Variants in STIMATE observed in about 807,000 individuals in gnomAD.
STIMATE encodes store-operated calcium entry regulator STIMATE.
STIMATE carries 15 observed loss-of-function variants against 36.7 expected under a neutral mutation model. The observed-to-expected ratio is 0.41, with a 90% confidence interval of 0.27 to 0.63. STIMATE has a LOEUF of 0.63. Ranked by LOEUF, STIMATE falls within the 20% of genes least tolerant of loss-of-function variation. The pLI is 0.32. For synonymous variants in STIMATE, 163 were observed against 162.3 expected, an observed-to-expected ratio of 1.00 and a Z score of -0.03; for missense variants, 305 against 397.3, an observed-to-expected ratio of 0.77 and a Z score of 1.98.
At chr3:52,849,419 C>G (rs1459025137) in intron 4 of STIMATE, among the ~76,000 whole-genome samples, 2 of 152,230 alleles carry the variant, frequency 1.3e-5, no homozygotes, top group Non-Finnish European at 2.9e-5. Context: ...TGCCCCATCT[C>G]TTTAACCTGG....
At chr3:52,852,752 A>T (rs2106669403) in intron 2 of STIMATE, 54 bp from the exon 3 acceptor site, 1 of 1,596,238 alleles carries the variant, frequency 6.3e-7, no homozygotes, top group Middle Eastern at 1.7e-4. Flanking sequence ...GCAATATCCA[A>T]TTTGAGGAAA....
At chr3:52,875,148 T>C (rs1253445867) in intron 1 of STIMATE, among the ~76,000 whole-genome samples, 3 of 152,222 alleles carry the variant, frequency 2.0e-5, no homozygotes, top group South Asian at 4.1e-4. Flanking sequence ...TGGAATAAAA[T>C]GTTCATTGTG....
chr3:52,870,508 G>C (rs9836499), intron 1 of STIMATE, among the ~76,000 whole-genome samples: 3 of 151,080 alleles, frequency 2.0e-5, no homozygotes, highest in Non-Finnish European at 3.0e-5. Flanking sequence ...GCACACGAGA[G>C]TGGCAACAGG....
At chr3:52,887,826 A>T (rs1012312232) in intron 1 of STIMATE, among the ~76,000 whole-genome samples, 2 of 152,108 alleles carry the variant, frequency 1.3e-5, no homozygotes, top group African/African-American at 4.8e-5. Flanking sequence ...GCTCATGGTG[A>T]CACTATGGCA....
intron 1 of STIMATE, among the ~76,000 whole-genome samples, chr3:52,867,158 C>A (rs1296687048): frequency 6.6e-6 from 1 of 152,228 alleles, no homozygotes; most frequent in Non-Finnish European, 1.5e-5. Context: ...ATGAACCTGG[C>A]AGGGCTCTTG....
Position 52,896,471 on chromosome 3 carries a change from AC to A in STIMATE, c.160+819del, listed in dbSNP as rs1427110160. On this transcript the variant is annotated intron_variant, in intron 1 of 7. Transcript: ENST00000355083. ...CGATGAAAAACAGAAGCCCCCCCCC[AC>A]CCCCCATCAGCACACATGAGAACAG... is the stretch of plus-strand genomic sequence containing the variant. 2.0e-5 allele frequency among the ~76,000 whole-genome samples: 3 copies of A among 147,040 alleles called. No individual in the cohort carries two copies. In the Admixed American group the frequency reaches 2.1e-4, roughly 10 times the overall value.
intron 5 of STIMATE, among the ~76,000 whole-genome samples, 192 bp downstream of exon 5, chr3:52,844,637 G>C (rs1167671490): frequency 1.3e-5 from 2 of 152,252 alleles, no homozygotes; most frequent in African/African-American, 2.4e-5. Context: ...ATCTAGAACA[G>C]ACATTTAAAG....
chr3:52,844,768 G>T, intron 5 of STIMATE, 61 bp downstream of exon 5: 2 of 1,583,804 alleles, frequency 1.3e-6, no homozygotes, highest in Non-Finnish European at 1.7e-6. Context: ...TGTGGGTGAT[G>T]GGGAGGAAGT....
intron 1 of STIMATE, among the ~76,000 whole-genome samples, chr3:52,873,356 G>T (rs4687680): frequency 2.0e-5 from 3 of 152,200 alleles, no homozygotes; most frequent in South Asian, 2.1e-4. Context: ...CAATTTTGAA[G>T]ATGCAAATTA....
intron 1 of STIMATE, among the ~76,000 whole-genome samples, chr3:52,880,746 T>G (rs960713777): frequency 6.6e-6 from 1 of 152,172 alleles, no homozygotes; most frequent in East Asian, 1.9e-4. Flanking sequence ...TCACTATGCA[T>G]GGAATGAGCT....
chr3:52,868,111 C>T (rs1176273432), intron 1 of STIMATE, among the ~76,000 whole-genome samples: 1 of 152,192 alleles, frequency 6.6e-6, no homozygotes, highest in Non-Finnish European at 1.5e-5. Context: ...AAACGAACAT[C>T]CCAACAACCA....
rs552245744 is a variant in STIMATE, at chr3:52,849,469, C to T, written c.427+323G>A. ...GAGCTCTACAGGAAGCTTGGCAGAA[C>T]GAAGAGTCCCTGCGGGCCTGTGTGT... On this transcript the variant is annotated intron_variant, in intron 4 of 7. Transcript: ENST00000355083. Among the ~76,000 whole-genome samples, 20 of 152,326 alleles carry T rather than the reference C, an allele frequency of 1.3e-4. No individual in the cohort carries two copies. The South Asian group carries it at 2.7e-3, about 21-fold the overall frequency.
chr3:52,886,749 G>A (rs1701691776), intron 1 of STIMATE, among the ~76,000 whole-genome samples: 1 of 152,352 alleles, frequency 6.6e-6, no homozygotes, highest in Middle Eastern at 3.4e-3. Context: ...TTCACAGTGA[G>A]AGAGCTGGAG....
In STIMATE at chr3:52,847,266, G is replaced by T. The variant is rs191307273; in HGVS notation, c.428-2325C>A. The stretch of plus-strand genomic sequence containing the variant: ...ACAACCTCAGGCATGTGGGTGTTTT[G>T]TTTGGGTTTAATTATTTCCTCAGTA... On this transcript the variant is annotated intron_variant, in intron 4 of 7. Transcript: ENST00000355083. 12,575 of 1,168,806 alleles carry T rather than the reference G, an allele frequency of 0.011. 1,359 individuals are homozygous for T. The South Asian group carries it at 0.2, about 18-fold the overall frequency. 72.4% of individuals were successfully genotyped at this position (1,168,806 alleles called of 1,614,324 possible). A position where few individuals can be genotyped will look rare whatever the true frequency, so the allele number is the denominator to read the frequency against.
chr3:52,897,405 G>T lies in STIMATE; in HGVS notation c.46C>A (p.Pro16Thr). 6.8e-7 allele frequency: 1 copy of T among 1,478,966 alleles called. No homozygotes were observed. The allele number at this position is 1,478,966 out of a possible 1,614,324, so 91.6% of individuals were successfully genotyped here. A position where few individuals can be genotyped will look rare whatever the true frequency, so the allele number is the denominator to read the frequency against. ...GCCCCGGACGCGACTGTGGAGGGCG[G>T]CCCGCCTGGCAGTCCCCGGCTCGCG... ...GNASRGLPGGPPSTVASGAGR... is the reference protein window; with the variant it reads ...GNASRGLPGGTPSTVASGAGR... The change falls in exon 1 of 8, where the codon CCG (proline) becomes ACG (threonine). Residue 16 changes from proline (P) to threonine (T), a missense_variant. By Grantham distance (38) the Pro-to-Thr change is conservative. Around this residue, in one of 3 missense-constraint regions of STIMATE, gnomAD observed 57 missense variants for 57.1 expected, o/e 1.00. Transcript: ENST00000355083.
At position 52,843,080 on chromosome 3, in the gene STIMATE, A is replaced by C. The variant is rs1215840587; in HGVS notation, c.619-120T>G. 4 of 1,482,760 alleles carry C rather than the reference A, an allele frequency of 2.7e-6. No individual in the cohort carries two copies. The East Asian group carries it at 7.4e-5, about 27-fold the overall frequency. The allele number at this position is 1,482,760 out of a possible 1,614,324, so 91.9% of individuals were successfully genotyped here. A position where few individuals can be genotyped will look rare whatever the true frequency, so the allele number is the denominator to read the frequency against. On this transcript the variant is annotated intron_variant, in intron 6 of 7. Coordinates refer to ENST00000355083, the MANE Select transcript of STIMATE (RefSeq NM_198563.5). ...AAGATCCAGAGCTATGGAAAGAAAAACCCAATCCAATCACCCTGCTCTCTC... is the reference window on the plus strand; with the variant it reads ...AAGATCCAGAGCTATGGAAAGAAAACCCCAATCCAATCACCCTGCTCTCTC...
chr3:52,850,536 C>A (rs1700980400), intron 3 of STIMATE, among the ~76,000 whole-genome samples: 1 of 152,184 alleles, frequency 6.6e-6, no homozygotes, highest in East Asian at 1.9e-4. Flanking sequence ...GGAAACAGAA[C>A]TTAACTGATG....
intron 1 of STIMATE, among the ~76,000 whole-genome samples, chr3:52,865,674 C>T (rs56877035): frequency 1.4e-3 from 208 of 152,296 alleles, no homozygotes; most frequent in African/African-American, 4.6e-3. Flanking sequence ...CCCACCCCAA[C>T]GTGGGAATTA....
intron 6 of STIMATE, chr3:52,843,247 T>C: frequency 2.1e-6 from 1 of 476,810 alleles, no homozygotes. Flanking sequence ...GCAAGGTCTC[T>C]GGACACGCGT....
Sources: allele counts gnomAD v4.1 joint callset (sites outside exome capture counted in the v4.1 genomes callset), GRCh38; gene constraint gnomAD v4.1.1; regional missense constraint gnomAD v4.1.1; transcripts MANE v1.5; gene names NCBI Gene and HGNC (gene_info 2026-07-23, HGNC 2026-07-21).